Variants in ZNF385D observed in about 807,000 individuals in gnomAD.
ZNF385D encodes zinc finger protein 385D.
ZNF385D carries 15 observed loss-of-function variants against 35.8 expected under a neutral mutation model. The observed-to-expected ratio is 0.42, with a 90% CI of 0.28 to 0.64. The LOEUF (loss-of-function observed/expected upper bound fraction) is 0.64, where lower values mean the gene tolerates loss of function less well. Ranked by LOEUF, ZNF385D falls within the 30% of genes least tolerant of loss-of-function variation. ZNF385D has a pLI of 0.23. For missense variants in ZNF385D, 474 were observed against 494.6 expected (o/e 0.96, Z 0.39); for synonymous variants, 212 against 186.8 (o/e 1.13, Z -1.10).
intron 2 of ZNF385D, among the ~76,000 whole-genome samples, chr3:22,183,088 TTA>T (rs1695393559): frequency 6.6e-6 from 1 of 152,120 alleles, no homozygotes; most frequent in Non-Finnish European, 1.5e-5. Flanking sequence ...TAAAGGAATA[TTA>T]TTAATTGAAG....
At chr3:21,838,854 G>T (rs773870790) in intron 3 of ZNF385D, among the ~76,000 whole-genome samples, 1 of 152,132 alleles carries the variant, frequency 6.6e-6, no homozygotes, top group Admixed American at 6.6e-5. Flanking sequence ...TGTGAGAAAA[G>T]ATGCTTCTTA....
intron 1 of ZNF385D, among the ~76,000 whole-genome samples, chr3:21,710,234 G>A (rs2068050891): frequency 6.6e-6 from 1 of 152,136 alleles, no homozygotes; most frequent in Non-Finnish European, 1.5e-5. Flanking sequence ...TACATAGACT[G>A]CATGCATTTG....
chr3:21,834,472 G>A (rs1372079721), intron 3 of ZNF385D, among the ~76,000 whole-genome samples: 1 of 152,136 alleles, frequency 6.6e-6, no homozygotes, highest in East Asian at 1.9e-4. Flanking sequence ...GAATCCTACA[G>A]CTCTGATTCT....
intron 1 of ZNF385D, among the ~76,000 whole-genome samples, chr3:21,699,906 A>G (rs528797133): frequency 5.8e-5 from 8 of 138,060 alleles, no homozygotes; most frequent in Non-Finnish European, 1.1e-4. Context: ...ATCTTGGCTC[A>G]CTACAAAACC....
chr3:22,089,873 G>C (rs1701234827), intron 3 of ZNF385D, among the ~76,000 whole-genome samples: 2 of 152,006 alleles, frequency 1.3e-5, no homozygotes, highest in Non-Finnish European at 1.5e-5. Context: ...GTCTTGCTCT[G>C]TGGTCAGGCT....
chr3:22,369,848 G>A lies in ZNF385D; in HGVS notation c.106+2602C>T, dbSNP rs114946354. On this transcript the variant is annotated intron_variant, in intron 2 of 5. Transcript: ENST00000494108. The stretch of plus-strand genomic sequence containing the variant: ...ACAGTACTAACATTACTTAGCTGAA[G>A]AACTCATAAGTACTGAATTTATGAA... 8.8e-3 allele frequency among the ~76,000 whole-genome samples: 1,341 copies of A among 152,176 alleles called. 20 individuals carry two copies. The highest frequency in any genetic ancestry group is 0.031 in the African/African-American group (1,294 of 41,526).
At chr3:22,088,099 A>G (rs1701139875) in intron 3 of ZNF385D, among the ~76,000 whole-genome samples, 2 of 152,202 alleles carry the variant, frequency 1.3e-5, no homozygotes, top group South Asian at 4.1e-4. Flanking sequence ...AAATTTAAGT[A>G]ATTTAATAAA....
intron 3 of ZNF385D, among the ~76,000 whole-genome samples, chr3:22,016,443 C>G (rs1205198839): frequency 6.6e-6 from 1 of 152,086 alleles, no homozygotes; most frequent in African/African-American, 2.4e-5. Flanking sequence ...CCAAGGTAAA[C>G]AACTATTTCT....
chr3:22,283,900 C>A (rs544007025), intron 2 of ZNF385D, among the ~76,000 whole-genome samples: 1 of 152,178 alleles, frequency 6.6e-6, no homozygotes, highest in East Asian at 1.9e-4. Flanking sequence ...GACATCTGAC[C>A]CTCAAGTTCT....
chr3:22,120,360 T>G (rs369203749), intron 3 of ZNF385D, among the ~76,000 whole-genome samples: 21 of 152,280 alleles, frequency 1.4e-4, no homozygotes, highest in East Asian at 9.7e-4. Flanking sequence ...ACATTTTCTT[T>G]GTGTGCTGCA....
intron 2 of ZNF385D, among the ~76,000 whole-genome samples, chr3:22,244,344 T>G (rs1233891756): frequency 1.2e-5 from 1 of 82,812 alleles, no homozygotes; most frequent in East Asian, 3.3e-4. Context: ...TGAAGCAAAG[T>G]GATACCAGAC....
chr3:21,831,847 A>G (rs569709020), intron 3 of ZNF385D, among the ~76,000 whole-genome samples: 2 of 152,320 alleles, frequency 1.3e-5, no homozygotes, highest in East Asian at 3.9e-4. Flanking sequence ...TTAAAATTAC[A>G]TGACTTTGTA....
chr3:21,861,490 A>G (rs1277646016), intron 3 of ZNF385D, among the ~76,000 whole-genome samples: 1 of 152,146 alleles, frequency 6.6e-6, no homozygotes, highest in African/African-American at 2.4e-5. Context: ...TTAGATAAAT[A>G]CAATTAATGG....
chr3:21,640,214 C>T (rs1242306558), intron 2 of ZNF385D, among the ~76,000 whole-genome samples: 1 of 152,034 alleles, frequency 6.6e-6, no homozygotes, highest in Non-Finnish European at 1.5e-5. Flanking sequence ...ACATGTTATA[C>T]TGCCATTAAC....
chr3:22,095,054 T>C (rs1313310049), intron 3 of ZNF385D, among the ~76,000 whole-genome samples: 1 of 151,310 alleles, frequency 6.6e-6, no homozygotes, highest in African/African-American at 2.4e-5. Context: ...ACTACAGACA[T>C]GCATCACCAT....
intron 2 of ZNF385D, among the ~76,000 whole-genome samples, chr3:22,311,577 G>C (rs918500914): frequency 6.6e-6 from 1 of 151,796 alleles, no homozygotes; most frequent in African/African-American, 2.4e-5. Flanking sequence ...AAAAAGTCAA[G>C]GAAAAAATAT....
chr3:21,697,398 C>T (rs555240725), intron 1 of ZNF385D, among the ~76,000 whole-genome samples: 7 of 152,178 alleles, frequency 4.6e-5, no homozygotes, highest in African/African-American at 1.4e-4. Flanking sequence ...TAAAAAGTTT[C>T]GTGATTTGTT....
chr3:21,749,591 C>A (rs762954200), intron 1 of ZNF385D, among the ~76,000 whole-genome samples: 8 of 152,162 alleles, frequency 5.3e-5, no homozygotes, highest in Non-Finnish European at 1.2e-4. Context: ...CATTACTACC[C>A]ACTGGAAAGA....
chr3:21,809,274 G>C (rs556743091), intron 3 of ZNF385D, among the ~76,000 whole-genome samples: 16 of 151,924 alleles, frequency 1.1e-4, no homozygotes, highest in Non-Finnish European at 2.2e-4. Context: ...TAGAAACTAA[G>C]GAGCTTTCAA....
Sources: allele counts gnomAD v4.1 joint callset (sites outside exome capture counted in the v4.1 genomes callset), GRCh38; gene constraint gnomAD v4.1.1; transcripts MANE v1.5; gene names NCBI Gene and HGNC (gene_info 2026-07-23, HGNC 2026-07-21).